Variants in HDDC3 observed in about 807,000 individuals in gnomAD.
HDDC3 encodes the protein HD domain containing 3, also known as guanosine-3',5'-bis(diphosphate) 3'-pyrophosphohydrolase MESH1.
In HDDC3, 18 loss-of-function variants were observed where a neutral mutation model predicts 19.1. The observed-to-expected ratio is 0.94, with a 90% CI of 0.65 to 1.40. The LOEUF (loss-of-function observed/expected upper bound fraction) is 1.40. Ranked by LOEUF, HDDC3 falls within the 40% of genes most tolerant of loss-of-function variation. The pLI is 0.00. For missense variants in HDDC3, 250 were observed against 228.9 expected (o/e 1.09, Z -0.59); for synonymous variants, 107 against 99.4 (o/e 1.08, Z -0.46).
chr15:90,931,942 C>A lies in HDDC3; in HGVS notation c.171G>T (p.Ala57=). 2 of 1,613,764 alleles carry A rather than the reference C, an allele frequency of 1.2e-6. No individual in the cohort carries two copies. Among genetic ancestry groups the A allele is most frequent in the Non-Finnish European group, 1.7e-6 (2 of 1,179,876 alleles). Residue 57 remains alanine (A), a splice_region_variant and synonymous_variant, in exon 3 of 4, where the codon GCG becomes GCT. Transcript: ENST00000394272. ...AGITDIVVLQ[A]ALLHDTVEDT... ...CCTCCACCGTGTCATGGAGCAGGGC[C>A]GCCTGGGGACAAGTTCCCACTCAGC...
chr15:90,932,526 C>G lies in HDDC3; in HGVS notation c.15G>C (p.Ala5=), dbSNP rs764311438. The G allele has an allele frequency of 5.8e-4, 740 of 1,271,622 alleles. No homozygotes were observed. Among genetic ancestry groups the G allele is most frequent in the Non-Finnish European group, 7.1e-4 (717 of 1,008,688 alleles). 78.8% of individuals were successfully genotyped at this position (1,271,622 alleles called of 1,614,324 possible). ...AGTCGGCAGCCTCCAGCAGCTGCGC[C>G]GCCTCAGAGCCCATCGCGCGGATGG... is the stretch of plus-strand genomic sequence containing the variant. MGSE[A]AQLLEAADFA... is the part of the protein sequence containing the mutation. Residue 5 remains alanine (A), a synonymous_variant, in exon 1 of 4, where the codon GCG becomes GCC. Coordinates refer to ENST00000394272, the MANE Select transcript of HDDC3 (RefSeq NM_001286451.2).
intron 2 of HDDC3, 36 bp downstream of exon 2, chr15:90,932,019 C>CA: frequency 1.2e-6 from 2 of 1,614,066 alleles, no homozygotes; most frequent in Non-Finnish European, 1.7e-6. Flanking sequence ...CCCTAATCCC[C>CA]ATCCCAGGCT....
intron 3 of HDDC3, 134 bp from the exon 4 acceptor site, chr15:90,931,539 C>A (rs774738103): frequency 1.2e-6 from 2 of 1,614,066 alleles, no homozygotes; most frequent in Non-Finnish European, 1.7e-6. Flanking sequence ...TCCCCTTGGC[C>A]CAGCTATTGT....
chr15:90,931,343 G>A lies in HDDC3; in HGVS notation c.472C>T (p.Gln158Ter). 8 of 1,552,438 alleles carry A rather than the reference G, an allele frequency of 5.2e-6. No individual in the cohort carries two copies. The highest frequency in any genetic ancestry group is 7.0e-6 in the Non-Finnish European group (8 of 1,147,346). Reference protein sequence around the residue: ...EWAAQVVKGLQGTNRQLEEAL... With the variant: ...EWAAQVVKGL ...TCTTCCAGTTGCCGGTTTGTTCCCT[G>A]AAGCCCCTTCACCACCTGCGCTGCC... Residue 158 changes from glutamine (Q) to a stop codon, truncating the protein, a stop_gained, in exon 4 of 4, where the codon CAG becomes TAG. Transcript: ENST00000394272. LOFTEE classifies it high-confidence loss of function.
In HDDC3 at chr15:90,931,744, C is replaced by T. The variant is rs762658478; in HGVS notation, c.369G>A (p.Lys123=). ...PGAKLVKLAD[K]LYNLRDLNRC... ...GATTCAGGTCCCTCAGATTGTACAG[C>T]TTGTCTGCCAGCTTCACCAGTTTGG... Residue 123 remains lysine (K), a synonymous_variant, in exon 3 of 4, where the codon AAG becomes AAA. Transcript: ENST00000394272. 7.5e-5 allele frequency: 121 copies of T among 1,614,172 alleles called. 1 individual carries two copies. In the South Asian group the frequency reaches 1.3e-3, roughly 17 times the overall value.
chr15:90,931,114 A>G lies in HDDC3; in HGVS notation c.*161T>C. 3.8e-6 allele frequency: 3 copies of G among 799,798 alleles called. No individual in the cohort carries two copies. The highest frequency in any genetic ancestry group is 5.8e-6 in the Non-Finnish European group (3 of 514,852). 49.5% of individuals were successfully genotyped at this position (799,798 alleles called of 1,614,324 possible). A position where few individuals can be genotyped will look rare whatever the true frequency, so the allele number is the denominator to read the frequency against. ...CCACCACGCGGGGCTCAGCTTAGTT[A>G]GCAGGAGACCTTCAGACTGAGAAAA... On this transcript the variant is annotated 3_prime_UTR_variant, in exon 4 of 4. Coordinates refer to ENST00000394272, the MANE Select transcript of HDDC3 (RefSeq NM_001286451.2).
At chr15:90,931,627 A>T (rs2035795067) in intron 3 of HDDC3, 77 bp downstream of exon 3, 1 of 1,613,852 alleles carries the variant, frequency 6.2e-7, no homozygotes, top group Admixed American at 1.7e-5. Flanking sequence ...AGGGTTTTTC[A>T]GGGGAACTGA....
At chr15:90,932,146 A>T (rs567984929) in intron 1 of HDDC3, 36 bp from the exon 2 acceptor site, 2 of 1,564,242 alleles carry the variant, frequency 1.3e-6, no homozygotes, top group Admixed American at 3.6e-5. Context: ...GTCAGGTCGG[A>T]GGTAGTCCCA....
At position 90,930,179 on chromosome 15, in the gene HDDC3, C is replaced by A. The variant is rs1013748910; in HGVS notation, c.*1096G>T. 1 of 152,088 alleles carries A rather than the reference C, an allele frequency of 6.6e-6. No individual in the cohort carries two copies. Among genetic ancestry groups the A allele is most frequent in the East Asian group, 1.9e-4 (1 of 5,160 alleles). The allele number at this position is 152,088 out of a possible 1,614,324, so 9.4% of individuals were successfully genotyped here. A position where few individuals can be genotyped will look rare whatever the true frequency, so the allele number is the denominator to read the frequency against. On this transcript the variant is annotated 3_prime_UTR_variant, in exon 4 of 4. Transcript: ENST00000394272. ...TCCGGGCCTTCCCGGAAGTCCCTGT[C>A]ACTTAACAACCGAAGTAACCCGCAA... is the stretch of plus-strand genomic sequence containing the variant.
rs748828424 is a variant in HDDC3 at position 90,931,969 on chromosome 15, C to T, written c.169-25G>A. ...CCTGGGGACAAGTTCCCACTCAGCC[C>T]TGAGATGTCAGCCAAGGGTTGCCCA... On this transcript the variant is annotated intron_variant, in intron 2 of 3. Coordinates refer to ENST00000394272, the MANE Select transcript of HDDC3 (RefSeq NM_001286451.2). The T allele has an allele frequency of 4.3e-6, 7 of 1,613,876 alleles. No homozygotes were observed. In the South Asian group the frequency reaches 4.4e-5, roughly 10 times the overall value.
In HDDC3 at chr15:90,931,225, C is replaced by T. The variant is rs1279690736; in HGVS notation, c.*50G>A. 2 of 1,546,532 alleles carry T rather than the reference C, an allele frequency of 1.3e-6. No individual in the cohort carries two copies. Among genetic ancestry groups the T allele is most frequent in the African/African-American group, 1.4e-5 (1 of 73,058 alleles). Reference sequence around the variant, plus strand: ...AGAAAAGATGGCGTATGAATCCTGTCCGGCCTGAACGAGGCTGGAGTTGTG... The same window carrying T: ...AGAAAAGATGGCGTATGAATCCTGTTCGGCCTGAACGAGGCTGGAGTTGTG... On this transcript the variant is annotated 3_prime_UTR_variant, in exon 4 of 4. Coordinates refer to ENST00000394272, the MANE Select transcript of HDDC3 (RefSeq NM_001286451.2).
In HDDC3 at chr15:90,931,790, G is replaced by T. The variant is rs538623921; in HGVS notation, c.323C>A (p.Ala108Glu). 8 of 1,614,104 alleles carry T rather than the reference G, an allele frequency of 5.0e-6. No individual in the cohort carries two copies. Among genetic ancestry groups the T allele is most frequent in the Admixed American group, 1.7e-5 (1 of 60,018 alleles). The change falls in exon 3 of 4, where the codon GCG becomes GAG. Residue 108 changes from alanine to glutamate, a missense_variant. Ala to Glu is a moderately radical substitution (Grantham distance 107). Coordinates refer to ENST00000394272, the MANE Select transcript of HDDC3 (RefSeq NM_001286451.2). ...LERKRLQVEQ[A>E]PHSSPGAKLV... ...TTTGGCCCCGGGGCTACTGTGGGGCGCTTGCTCCACCTGCAGCCTCTTTCT... is the reference window on the plus strand; with the variant it reads ...TTTGGCCCCGGGGCTACTGTGGGGCTCTTGCTCCACCTGCAGCCTCTTTCT...
intron 1 of HDDC3, 75 bp downstream of exon 1, chr15:90,932,354 C>G (rs1349919863): frequency 2.5e-5 from 23 of 927,322 alleles, no homozygotes. Flanking sequence ...CAATGAGGTG[C>G]ACGCCCCCCA....
In HDDC3 at chr15:90,931,208, T is replaced by C. The variant is rs1008841050; in HGVS notation, c.*67A>G. 1 of 1,519,342 alleles carries C rather than the reference T, an allele frequency of 6.6e-7. No homozygotes were observed. The highest frequency in any genetic ancestry group is 2.0e-5 in the Admixed American group (1 of 50,002). 94.1% of individuals were successfully genotyped at this position (1,519,342 alleles called of 1,614,324 possible). ...GGGAGCTCAGGAGACACAGAAAAGA[T>C]GGCGTATGAATCCTGTCCGGCCTGA... is the stretch of plus-strand genomic sequence containing the variant. On this transcript the variant is annotated 3_prime_UTR_variant, in exon 4 of 4. Coordinates refer to ENST00000394272, the MANE Select transcript of HDDC3 (RefSeq NM_001286451.2).
In HDDC3 at chr15:90,932,513, C is replaced by T. The variant is rs777219665; in HGVS notation, c.28G>A (p.Glu10Lys). MGSEAAQLL[E>K]AADFAARKHR... ...TTGCGAGCCGCGAAGTCGGCAGCCT[C>T]CAGCAGCTGCGCCGCCTCAGAGCCC... is the stretch of plus-strand genomic sequence containing the variant. Residue 10 changes from glutamate to lysine, a missense_variant, in exon 1 of 4, where the codon GAG becomes AAG. Glu to Lys is a moderately conservative substitution (Grantham distance 56). Coordinates refer to ENST00000394272, the MANE Select transcript of HDDC3 (RefSeq NM_001286451.2). 13 of 1,299,420 alleles carry T rather than the reference C, an allele frequency of 1.0e-5. No individual in the cohort carries two copies. Among genetic ancestry groups the T allele is most frequent in the South Asian group, 9.7e-5 (4 of 41,040 alleles). 80.5% of individuals were successfully genotyped at this position (1,299,420 alleles called of 1,614,324 possible). A position where few individuals can be genotyped will look rare whatever the true frequency, so the allele number is the denominator to read the frequency against.
Position 90,931,268 on chromosome 15 carries a change from G to A in HDDC3, c.*7C>T, listed in dbSNP as rs1156351394. 1 of 1,550,748 alleles carries A rather than the reference G, an allele frequency of 6.4e-7. No individual in the cohort carries two copies. Among genetic ancestry groups the A allele is most frequent in the East Asian group, 2.4e-5 (1 of 40,922 alleles). Reference sequence around the variant, plus strand: ...GAGTTGTGCCTCTGGATAGCTTCAAGCACTGATCAGATTGTCAGCCCCCGC... The same window carrying A: ...GAGTTGTGCCTCTGGATAGCTTCAAACACTGATCAGATTGTCAGCCCCCGC... On this transcript the variant is annotated 3_prime_UTR_variant, in exon 4 of 4. Coordinates refer to ENST00000394272, the MANE Select transcript of HDDC3 (RefSeq NM_001286451.2).
chr15:90,931,704 C>G lies in HDDC3; in HGVS notation c.409G>C (p.Gly137Arg), dbSNP rs2035798872. The G allele has an allele frequency of 6.2e-7, 1 of 1,613,948 alleles. No homozygotes were observed. The highest frequency in any genetic ancestry group is 8.5e-7 in the Non-Finnish European group (1 of 1,180,008). The change falls in exon 3 of 4, where the codon GGA (glycine) becomes CGA (arginine). Residue 137 changes from glycine (G) to arginine (R), a missense_variant and splice_region_variant. Transcript: ENST00000394272. Reference protein sequence around the residue: ...LRDLNRCTPEGWSEHRVQEYF... With the variant: ...LRDLNRCTPERWSEHRVQEYF... ...CCTTACAGCCCATACGAAAGCGTAC[C>G]CTCTGGGGTGCAGCGATTCAGGTCC...
intron 1 of HDDC3, 156 bp from the exon 2 acceptor site, chr15:90,932,266 G>T: frequency 1.1e-6 from 1 of 874,586 alleles, no homozygotes; most frequent in East Asian, 2.7e-5. Context: ...CCGACAAAGG[G>T]AACGATCATG....
chr15:90,932,142 TCGGAGGTAGTCC>T (rs1485652253), intron 1 of HDDC3, 32 bp from the exon 2 acceptor site: 5 of 1,566,024 alleles, frequency 3.2e-6, no homozygotes, highest in Non-Finnish European at 4.3e-6. Context: ...GGAAGTCAGG[TCGGAGGTAGTCC>T]CAAGGCGGTG....
Sources: allele counts gnomAD v4.1 joint callset, GRCh38; gene constraint gnomAD v4.1.1; transcripts MANE v1.5; gene names NCBI Gene and HGNC (gene_info 2026-07-23, HGNC 2026-07-21).